LAS1L: variants seen among roughly 807,000 people sequenced by gnomAD.
LAS1L encodes the protein ribosomal biogenesis protein LAS1L.
A neutral mutation model predicts 57.3 loss-of-function variants in LAS1L; 5 were observed. The ratio of observed to expected loss-of-function variants is 0.09; its 90% confidence interval spans 0.05 to 0.18. LAS1L has a LOEUF of 0.18. LAS1L is among the 10% of genes least tolerant of loss of function. The pLI is 1.00. For missense variants in LAS1L, 360 were observed against 568.3 expected, an observed-to-expected ratio of 0.63 and a Z score of 3.73; for synonymous variants, 245 against 231.7, an observed-to-expected ratio of 1.06 and a Z score of -0.52.
At chrX:65,517,908 T>A (rs1401470103) in intron 12 of LAS1L, 79 bp downstream of exon 12, 4 of 1,116,536 alleles carry the variant, frequency 3.6e-6, no homozygotes, top group South Asian at 4.7e-5. Context: ...CTACTTTCCA[T>A]CTCTTCCTAG....
chrX:65,517,932 C>G (rs937521059), intron 12 of LAS1L, 55 bp downstream of exon 12: 1 of 1,141,772 alleles, frequency 8.8e-7, no homozygotes, highest in Non-Finnish European at 1.2e-6. Flanking sequence ...AGAAGGAAGC[C>G]TCAAGAGCCA....
At chrX:65,520,214 T>C (rs781560164) in intron 11 of LAS1L, among the ~76,000 whole-genome samples, 1 of 111,761 alleles carries the variant, frequency 8.9e-6, no homozygotes, top group Non-Finnish European at 1.9e-5. Flanking sequence ...GCTGATGGGA[T>C]GAAGGTAGAC....
intron 6 of LAS1L, 67 bp downstream of exon 6, chrX:65,529,145 T>G: frequency 1.1e-6 from 1 of 904,816 alleles, no homozygotes. Flanking sequence ...TTCTCTCAGG[T>G]AGCTGGCAAG....
Position 65,512,744 on chromosome X carries a change from G to T in LAS1L, c.*31C>A, listed in dbSNP as rs767977365. ...GGGGGTGGGCTGTTGCCCTGGCACG[G>T]CTGGATGAACACTTGCACCAGGGAT... is the stretch of plus-strand genomic sequence containing the variant. On this transcript the variant is annotated 3_prime_UTR_variant, in exon 14 of 14. Transcript: ENST00000374811. 8.7e-7 allele frequency: 1 copy of T among 1,154,739 alleles called. No individual in the cohort carries two copies. Among genetic ancestry groups the T allele is most frequent in the Non-Finnish European group, 1.2e-6 (1 of 864,995 alleles).
In LAS1L at chrX:65,512,680, C is replaced by T. The variant is rs1394348586; in HGVS notation, c.*95G>A. On this transcript the variant is annotated 3_prime_UTR_variant, in exon 14 of 14. Coordinates refer to ENST00000374811, the MANE Select transcript of LAS1L (RefSeq NM_031206.7). ...ACTGAGTTGATGTGGCTGATCCAGG[C>T]TGTCTCCCAGGTTGTCTCAGGGAGC... 2 of 979,149 alleles carry T rather than the reference C, an allele frequency of 2.0e-6. No homozygotes were observed. Among genetic ancestry groups the T allele is most frequent in the Non-Finnish European group, 2.7e-6 (2 of 731,540 alleles). The allele number at this position is 979,149 out of a possible 1,213,427, so 80.7% of individuals were successfully genotyped here. A position where few individuals can be genotyped will look rare whatever the true frequency, so the allele number is the denominator to read the frequency against.
Position 65,529,710 on chromosome X carries a change from T to G in LAS1L, c.683A>C (p.Glu228Ala). 1 of 1,211,788 alleles carries G rather than the reference T, an allele frequency of 8.3e-7. No individual in the cohort carries two copies. The highest frequency in any genetic ancestry group is 1.1e-6 in the Non-Finnish European group (1 of 895,480). Residue 228 changes from glutamate to alanine, a missense_variant, in exon 5 of 14, where the codon GAG becomes GCG. By Grantham distance (107) the Glu-to-Ala change is moderately radical (BLOSUM62 -1). This residue lies in a region of LAS1L where 51 missense variants were observed against 43.1 expected (regional missense o/e 1.18). Coordinates refer to ENST00000374811, the MANE Select transcript of LAS1L (RefSeq NM_031206.7). ...CGTACTTTTCCCATCATCCTGAGGC[T>G]CTGGTTTCTGTTCTGTGATGTCATC... ...VVDDITEQKP[E>A]PQDDGKSTES...
At position 65,518,429 on chromosome X, in the gene LAS1L, C is replaced by T; in HGVS notation, c.1485G>A (p.Glu495=). ...FKAMGQGLPD[E]EQEKLLRICS... ...AGATGCGCAGCAGCTTCTCCTGCTC[C>T]TCGTCTGGCAGGCCCTGCCCCATGG... The change falls in exon 12 of 14, where the codon GAG becomes GAA. Residue 495 remains glutamate, a synonymous_variant. Coordinates refer to ENST00000374811, the MANE Select transcript of LAS1L (RefSeq NM_031206.7). The T allele has an allele frequency of 3.3e-6, 4 of 1,208,879 alleles. No homozygotes were observed. Among genetic ancestry groups the T allele is most frequent in the Non-Finnish European group, 4.5e-6 (4 of 893,816 alleles).
At chrX:65,515,082 C>T in intron 12 of LAS1L, 109 bp from the exon 13 acceptor site, 2 of 740,218 alleles carry the variant, frequency 2.7e-6, no homozygotes, top group Non-Finnish European at 3.9e-6. Flanking sequence ...CACAGGTGGG[C>T]TCTCTCAGGA....
intron 1 of LAS1L, 137 bp from the exon 2 acceptor site, chrX:65,533,872 T>C: frequency 1.5e-6 from 1 of 649,791 alleles, no homozygotes; most frequent in Non-Finnish European, 2.3e-6. Flanking sequence ...AACAAGAAGG[T>C]GGGAGGAGAC....
In LAS1L at chrX:65,530,325, T is replaced by C. The variant is rs1368719005; in HGVS notation, c.515-447A>G. Among the ~76,000 whole-genome samples, 54 of 111,705 alleles carry C rather than the reference T, an allele frequency of 4.8e-4. 1 individual carries two copies. Among genetic ancestry groups the C allele is most frequent in the Non-Finnish European group, 1.9e-5 (1 of 53,126 alleles). On this transcript the variant is annotated intron_variant, in intron 4 of 13. Transcript: ENST00000374811. Reference sequence around the variant, plus strand: ...TGCTGATGGCTCATGCCTGGCAACCTCCCCACCTCAACTATGGAGAGGTAT... The same window carrying C: ...TGCTGATGGCTCATGCCTGGCAACCCCCCCACCTCAACTATGGAGAGGTAT...
intron 7 of LAS1L, among the ~76,000 whole-genome samples, chrX:65,527,282 T>C (rs1337289269): frequency 2.2e-5 from 2 of 90,338 alleles, no homozygotes; most frequent in African/African-American, 4.0e-5. Context: ...ATACCTGTGA[T>C]CCCAGCACTT....
intron 12 of LAS1L, 94 bp from the exon 13 acceptor site, chrX:65,515,067 C>G (rs1446150788): frequency 1.1e-6 from 1 of 891,467 alleles, no homozygotes; most frequent in Non-Finnish European, 1.6e-6. Flanking sequence ...ACCCACCCCA[C>G]TTAGCACAGG....
rs1485678481 is a variant in LAS1L at position 65,534,746 on chromosome X, C to G, written c.-31G>C. On this transcript the variant is annotated 5_prime_UTR_variant, in exon 1 of 14. Transcript: ENST00000374811. ...GCTCAACAACAGGCTCTGTGCCGCGCCGCTCCGCACAGCCTTCAGCTCAGC... is the reference window on the plus strand; with the variant it reads ...GCTCAACAACAGGCTCTGTGCCGCGGCGCTCCGCACAGCCTTCAGCTCAGC... The G allele has an allele frequency of 9.2e-7, 1 of 1,082,894 alleles. No individual in the cohort carries two copies. The highest frequency in any genetic ancestry group is 3.3e-5 in the East Asian group (1 of 30,345). 89.2% of individuals were successfully genotyped at this position (1,082,894 alleles called of 1,213,427 possible). A position where few individuals can be genotyped will look rare whatever the true frequency, so the allele number is the denominator to read the frequency against.
chrX:65,531,273 C>T (rs1306066800), intron 4 of LAS1L, 84 bp downstream of exon 4: 90 of 638,887 alleles, frequency 1.4e-4, no homozygotes, highest in Non-Finnish European at 9.7e-6. Context: ...GGTGGAGACC[C>T]TCCTGCCTAT....
chrX:65,524,494 C>A, intron 9 of LAS1L, 70 bp downstream of exon 9: 1 of 510,974 alleles, frequency 2.0e-6, no homozygotes, highest in Admixed American at 2.7e-5. Context: ...TGGCAACCAA[C>A]AACTGACTCA....
In LAS1L at chrX:65,512,708, C is replaced by T; in HGVS notation, c.*67G>A. ...TCTCCCAGGTTGTCTCAGGGAGCAT[C>T]AGTTGTACTAGGGGGTGGGCTGTTG... On this transcript the variant is annotated 3_prime_UTR_variant, in exon 14 of 14. Coordinates refer to ENST00000374811, the MANE Select transcript of LAS1L (RefSeq NM_031206.7). 3 of 1,098,141 alleles carry T rather than the reference C, an allele frequency of 2.7e-6. No individual in the cohort carries two copies. Among genetic ancestry groups the T allele is most frequent in the Non-Finnish European group, 3.6e-6 (3 of 827,942 alleles). 90.5% of individuals were successfully genotyped at this position (1,098,141 alleles called of 1,213,427 possible). A position where few individuals can be genotyped will look rare whatever the true frequency, so the allele number is the denominator to read the frequency against.
chrX:65,516,086 C>CT (rs2068617437), intron 12 of LAS1L, among the ~76,000 whole-genome samples: 1 of 111,851 alleles, frequency 8.9e-6, no homozygotes, highest in Admixed American at 9.5e-5. Context: ...TTCTGCATCT[C>CT]CCTGGTACTC....
intron 12 of LAS1L, among the ~76,000 whole-genome samples, chrX:65,517,414 AT>A (rs548496180): frequency 5.7e-4 from 60 of 104,817 alleles, no homozygotes; most frequent in African/African-American, 1.9e-3. Context: ...CGCCCAGCTA[AT>A]TTTTTTTTTG....
intron 11 of LAS1L, 48 bp from the exon 12 acceptor site, chrX:65,518,513 A>G: frequency 2.6e-6 from 3 of 1,139,784 alleles, no homozygotes; most frequent in Non-Finnish European, 3.5e-6. Flanking sequence ...ATCTCAAGCC[A>G]CTTCATACCC....
Sources: gnomAD v4.1 joint callset for allele counts (sites outside exome capture counted in the v4.1 genomes callset) on GRCh38, gnomAD v4.1.1 for gene constraint, gnomAD v4.1.1 regional missense constraint, MANE v1.5 for transcripts, NCBI Gene and HGNC (gene_info 2026-07-23, HGNC 2026-07-21) for gene names.